Variants in PCLO observed in about 807,000 individuals in gnomAD.
PCLO encodes the protein protein piccolo.
A neutral mutation model predicts 427.5 loss-of-function variants in PCLO; 82 were observed. The observed-to-expected ratio is 0.19, with a 90% CI of 0.16 to 0.23. The LOEUF (loss-of-function observed/expected upper bound fraction) is 0.23, where lower values mean the gene tolerates loss of function less well. PCLO is among the 10% of genes least tolerant of loss of function. The pLI, the probability that PCLO is intolerant of heterozygous loss-of-function variation, is 1.00. For missense variants in PCLO, 6,239 were observed against 6,115.9 expected, an observed-to-expected ratio of 1.02 and a Z score of -0.67; for synonymous variants, 2,357 against 2,155.4, an observed-to-expected ratio of 1.09 and a Z score of -2.59.
rs1795370949 is a variant in PCLO at position 82,952,215 on chromosome 7, T to A, written c.8738A>T (p.Asp2913Val). Residue 2913 changes from aspartate (D) to valine (V), a missense_variant, in exon 5 of 25, where the codon GAT (aspartate) becomes GTT (valine). By Grantham distance (152) the Asp-to-Val change is radical. Around this residue, in one of 5 missense-constraint regions of PCLO, gnomAD observed 4,677 missense variants for 4,468.4 expected, o/e 1.05. Coordinates refer to ENST00000333891, the MANE Select transcript of PCLO (RefSeq NM_033026.6). Reference protein sequence around the residue: ...TKSHRTVVTMDESTSSVMTKI... With the variant: ...TKSHRTVVTMVESTSSVMTKI... ...GGTCATCACACTTGAAGTAGACTCA[T>A]CCATTGTTACGACTGTTCTGTGAGA... 6.2e-7 allele frequency: 1 copy of A among 1,613,846 alleles called. No homozygotes were observed.
At chr7:83,030,203 C>A (rs575851457) in intron 3 of PCLO, among the ~76,000 whole-genome samples, 1 of 150,898 alleles carries the variant, frequency 6.6e-6, no homozygotes, top group East Asian at 2.0e-4. Context: ...ATTTAAAACT[C>A]TAATAAAATT....
chr7:82,858,485 T>C (rs1278816121), intron 10 of PCLO, among the ~76,000 whole-genome samples: 3 of 152,042 alleles, frequency 2.0e-5, no homozygotes, highest in Non-Finnish European at 4.4e-5. Context: ...AGAAAATACA[T>C]CTATACTGGA....
Position 82,966,014 on chromosome 7 carries a change from T to C in PCLO, c.3774A>G (p.Glu1258=), listed in dbSNP as rs1562888728. 2.5e-6 allele frequency: 4 copies of C among 1,613,698 alleles called. No homozygotes were observed. Among genetic ancestry groups the C allele is most frequent in the Admixed American group, 1.7e-5 (1 of 59,950 alleles). ...ATTTAAGTAAGTCATGTTTCTGTTC[T>C]TCTGGGGCTGATGTTTTTGCCTCTG... ...LLPEAKTSAP[E]EQKHDLLKSQ... is the part of the protein sequence containing the mutation. Residue 1258 remains glutamate (E), a synonymous_variant, in exon 4 of 25, where the codon GAA becomes GAG. Transcript: ENST00000333891.
At chr7:82,843,182 A>G (rs1050288996) in intron 13 of PCLO, among the ~76,000 whole-genome samples, 4 of 152,190 alleles carry the variant, frequency 2.6e-5, no homozygotes, top group Admixed American at 2.6e-4. Flanking sequence ...TTAGGTAACG[A>G]AAATGTGTTA....
intron 2 of PCLO, among the ~76,000 whole-genome samples, chr7:83,141,640 T>C (rs1158320240): frequency 1.3e-5 from 2 of 152,204 alleles, no homozygotes; most frequent in Non-Finnish European, 2.9e-5. Context: ...CTTAATTCAA[T>C]CCTTGTGGTT....
chr7:83,138,376 T>C (rs1791780696), intron 2 of PCLO, among the ~76,000 whole-genome samples: 1 of 151,978 alleles, frequency 6.6e-6, no homozygotes, highest in Admixed American at 6.6e-5. Context: ...GAAGCAAAAA[T>C]CATGCCGGGC....
intron 2 of PCLO, among the ~76,000 whole-genome samples, chr7:83,141,213 TACA>T (rs1162154601): frequency 6.6e-6 from 1 of 152,174 alleles, no homozygotes; most frequent in Admixed American, 6.5e-5. Context: ...CAGGAGAGCC[TACA>T]ACGATATCAA....
intron 8 of PCLO, among the ~76,000 whole-genome samples, chr7:82,903,852 C>T (rs1346499971): frequency 6.6e-6 from 1 of 151,802 alleles, no homozygotes; most frequent in Non-Finnish European, 1.5e-5. Context: ...AAGAAAGATT[C>T]CTTAGAAAAC....
At chr7:83,116,399 G>A (rs928230851) in intron 3 of PCLO, among the ~76,000 whole-genome samples, 1 of 151,980 alleles carries the variant, frequency 6.6e-6, no homozygotes, top group African/African-American at 2.4e-5. Flanking sequence ...GTTCTTATTC[G>A]AATATAAGAT....
At chr7:82,995,537 A>C (rs1796475782) in intron 3 of PCLO, among the ~76,000 whole-genome samples, 2 of 152,010 alleles carry the variant, frequency 1.3e-5, no homozygotes, top group Non-Finnish European at 2.9e-5. Context: ...AGCTCTTCTG[A>C]GAAATCTAGC....
At chr7:83,092,499 G>T (rs996295324) in intron 3 of PCLO, among the ~76,000 whole-genome samples, 1 of 151,950 alleles carries the variant, frequency 6.6e-6, no homozygotes, top group Non-Finnish European at 1.5e-5. Flanking sequence ...TCCAAGAAGT[G>T]TACTCCCAAA....
intron 3 of PCLO, among the ~76,000 whole-genome samples, chr7:83,093,610 A>G (rs1176480556): frequency 4.1e-5 from 6 of 147,064 alleles, no homozygotes; most frequent in Non-Finnish European, 7.5e-5. Context: ...CTCCTGCCTC[A>G]GCCTCCCGAG....
At chr7:83,007,408 T>C (rs1469156480) in intron 3 of PCLO, among the ~76,000 whole-genome samples, 1 of 126,372 alleles carries the variant, frequency 7.9e-6, no homozygotes, top group East Asian at 2.9e-4. Context: ...TTTGTTAATA[T>C]AAAGGGCATA....
intron 6 of PCLO, among the ~76,000 whole-genome samples, chr7:82,939,192 G>A (rs1795023320): frequency 6.6e-6 from 1 of 151,942 alleles, no homozygotes; most frequent in Non-Finnish European, 1.5e-5. Context: ...TTTAAATGCT[G>A]CAAAATGTAA....
chr7:82,890,004 T>C (rs1340214887), intron 9 of PCLO, among the ~76,000 whole-genome samples: 1 of 151,612 alleles, frequency 6.6e-6, no homozygotes, highest in Non-Finnish European at 1.5e-5. Flanking sequence ...ACCACTACCA[T>C]ATTTTACAGG....
chr7:82,794,442 G>A (rs1410570945), intron 22 of PCLO, among the ~76,000 whole-genome samples: 2 of 56,578 alleles, frequency 3.5e-5, no homozygotes, highest in East Asian at 1.2e-3. Context: ...TGACATGCTA[G>A]TTCATAAATT....
intron 16 of PCLO, among the ~76,000 whole-genome samples, chr7:82,833,164 C>T (rs1009279412): frequency 1.3e-5 from 2 of 152,152 alleles, no homozygotes; most frequent in Non-Finnish European, 2.9e-5. Flanking sequence ...CACACACCAC[C>T]TGTACCTGCT....
chr7:83,093,797 C>T (rs1369712623), intron 3 of PCLO, among the ~76,000 whole-genome samples: 1 of 97,802 alleles, frequency 1.0e-5, no homozygotes, highest in Non-Finnish European at 1.9e-5. Flanking sequence ...CCGACCACCA[C>T]AAATATTAAA....
intron 22 of PCLO, among the ~76,000 whole-genome samples, chr7:82,793,833 T>C (rs1171000803): frequency 6.6e-6 from 1 of 152,196 alleles, no homozygotes; most frequent in Non-Finnish European, 1.5e-5. Context: ...AAGTATTGTG[T>C]GTGGGGTCAG....
Sources: allele counts gnomAD v4.1 joint callset (sites outside exome capture counted in the v4.1 genomes callset), GRCh38; gene constraint gnomAD v4.1.1; regional missense constraint gnomAD v4.1.1; transcripts MANE v1.5; gene names NCBI Gene and HGNC (gene_info 2026-07-23, HGNC 2026-07-21).